Variants in CAPN15 observed in about 807,000 individuals in gnomAD.
CAPN15 encodes calpain 15.
In CAPN15, 53 loss-of-function variants were observed where a neutral mutation model predicts 97.9. That is an observed-to-expected ratio of 0.54 (90% confidence interval 0.43 to 0.68). The LOEUF (loss-of-function observed/expected upper bound fraction) is 0.68, where lower values mean the gene tolerates loss of function less well. Ranked by LOEUF, CAPN15 falls within the 30% of genes least tolerant of loss-of-function variation. The pLI is 0.00. For synonymous variants in CAPN15, 922 were observed against 722.5 expected (o/e 1.28, Z -4.43); for missense variants, 1,592 against 1,589.8 (o/e 1.00, Z -0.02).
chr16:553,439 T>C lies in CAPN15; in HGVS notation c.3184T>C (p.Trp1062Arg). ...GGCAGCCCAGGCCTTCCTCAGTGAC[T>C]GGACAGCCTCCAAGGGGACCCACAG... ...RKAAQAFLSD[W>R]TASKGTHSPP... Residue 1062 changes from tryptophan to arginine, a missense_variant, in exon 14 of 14, where the codon TGG (tryptophan) becomes CGG (arginine). Trp to Arg is a moderately radical substitution (Grantham distance 101). Around this residue, in one of 3 missense-constraint regions of CAPN15, gnomAD observed 644 missense variants for 699.6 expected, o/e 0.92. Transcript: ENST00000219611. 2 of 1,611,282 alleles carry C rather than the reference T, an allele frequency of 1.2e-6. No individual in the cohort carries two copies. The highest frequency in any genetic ancestry group is 1.3e-5 in the African/African-American group (1 of 74,706).
Position 551,410 on chromosome 16 carries a change from A to G in CAPN15, c.2175A>G (p.Arg725=), listed in dbSNP as rs2035069255. The change falls in exon 8 of 14, where the codon CGA becomes CGG. Residue 725 remains arginine (R), a synonymous_variant. Coordinates refer to ENST00000219611, the MANE Select transcript of CAPN15 (RefSeq NM_005632.3). ...ATGCCTACTCCATCCTGGATGTCCG[A>G]GATGTCCAGGGCACCAGGTAGGGCC... ...PRHAYSILDV[R]DVQGTRLLRL... 7.5e-6 allele frequency: 12 copies of G among 1,609,046 alleles called. No individual in the cohort carries two copies. The highest frequency in any genetic ancestry group is 9.3e-6 in the Non-Finnish European group (11 of 1,177,472).
At position 552,830 on chromosome 16, in the gene CAPN15, C is replaced by T. The variant is rs199546496; in HGVS notation, c.2905-33C>T. On this transcript the variant is annotated intron_variant, in intron 12 of 13. Transcript: ENST00000219611. The surrounding 1 kb of genome is among the most constrained non-coding windows in gnomAD (Gnocchi z 6.4). ...GCAGGGGGAGTATGCCCCAGCACCT[C>T]CCCTGCCCCACAACTGCCATTCCTG... 4.0e-4 allele frequency: 621 copies of T among 1,571,888 alleles called. 7 individuals carry two copies. In the African/African-American group the frequency reaches 5.6e-3, roughly 14 times the overall value.
rs866331883 is a variant in CAPN15 at position 549,639 on chromosome 16, G to T, written c.1867G>T (p.Ala623Ser). ...SQAQRKQLWV[A>S]LIEKALAKLH... is the part of the protein sequence containing the mutation. ...GGCGCAGCGGAAGCAGCTGTGGGTG[G>T]CCCTCATCGAGAAGGCGCTGGCCAA... is the stretch of plus-strand genomic sequence containing the variant. Residue 623 changes from alanine to serine, a missense_variant, in exon 7 of 14, where the codon GCC (alanine) becomes TCC (serine). Ala to Ser is a moderately conservative substitution (Grantham distance 99, BLOSUM62 1). Around this residue, in one of 3 missense-constraint regions of CAPN15, gnomAD observed 644 missense variants for 699.6 expected, o/e 0.92. Coordinates refer to ENST00000219611, the MANE Select transcript of CAPN15 (RefSeq NM_005632.3). 2 of 1,552,774 alleles carry T rather than the reference G, an allele frequency of 1.3e-6. No individual in the cohort carries two copies. Among genetic ancestry groups the T allele is most frequent in the Non-Finnish European group, 1.7e-6 (2 of 1,154,582 alleles).
intron 1 of CAPN15, among the ~76,000 whole-genome samples, chr16:533,636 G>A (rs967592018): frequency 6.6e-6 from 1 of 152,162 alleles, no homozygotes; most frequent in African/African-American, 2.4e-5. Flanking sequence ...GGGAGGTCCG[G>A]ACAGGATCTT....
rs776904411 is a variant in CAPN15 at position 546,936 on chromosome 16, C to T, written c.98C>T (p.Pro33Leu). The part of the protein sequence containing the change: ...CSICEAPRHK[P>L]DLNHILRLSV... ...ATCTGCGAGGCTCCCCGGCACAAGC[C>T]CGACCTCAACCACATCCTGCGGCTC... is the stretch of plus-strand genomic sequence containing the variant. The change falls in exon 4 of 14, where the codon CCC (proline) becomes CTC (leucine). Residue 33 changes from proline to leucine, a missense_variant. By Grantham distance (98) the Pro-to-Leu change is moderately conservative. Coordinates refer to ENST00000219611, the MANE Select transcript of CAPN15 (RefSeq NM_005632.3). 4.3e-5 allele frequency: 70 copies of T among 1,610,702 alleles called. No individual in the cohort carries two copies. In the South Asian group the frequency reaches 6.3e-4, roughly 14 times the overall value.
At chr16:550,046 C>T (rs1481780438) in intron 7 of CAPN15, among the ~76,000 whole-genome samples, 2 of 152,198 alleles carry the variant, frequency 1.3e-5, no homozygotes, top group Non-Finnish European at 2.9e-5. Context: ...CCAGGAAGGC[C>T]ACATCCTGGC....
rs2035044727 is a variant in CAPN15, at chr16:551,190, CGGTCGGTGAGGGT to C, written c.2067-111_2067-99del. ...TGAGGGTCCCGGTCGGTGAGGGCCC[CGGTCGGTGAGGGT>C]CCCCAGTCGGTGAGGGTCCCGGTCA... On this transcript the variant is annotated intron_variant, in intron 7 of 13. Coordinates refer to ENST00000219611, the MANE Select transcript of CAPN15 (RefSeq NM_005632.3). 2.0e-6 allele frequency: 3 copies of C among 1,468,380 alleles called. No homozygotes were observed. The African/African-American group carries it at 4.7e-5, about 23-fold the overall frequency. The allele number at this position is 1,468,380 out of a possible 1,614,324, so 91.0% of individuals were successfully genotyped here.
Position 549,204 on chromosome 16 carries a change from G to A in CAPN15, c.1658+3G>A, listed in dbSNP as rs774531898. On this transcript the variant is annotated splice_donor_region_variant and intron_variant, in intron 5 of 13. Transcript: ENST00000219611. ...CAGGGGCTGCTGGGGAACTGCTGGT[G>A]AGGCCTTCTCCAAGGCCGGGGTGGG... 2.7e-6 allele frequency: 4 copies of A among 1,467,454 alleles called. No homozygotes were observed. In the East Asian group the frequency reaches 7.2e-5, roughly 26 times the overall value. 90.9% of individuals were successfully genotyped at this position (1,467,454 alleles called of 1,614,324 possible).
Position 549,849 on chromosome 16 carries a change from G to A in CAPN15, c.2066+11G>A. On this transcript the variant is annotated intron_variant, in intron 7 of 13. Transcript: ENST00000219611. Reference sequence around the variant, plus strand: ...TTCTAAGGAGGCTGGGTAAGAGGAGGGGCACTGCGTGGTCAGCCGCGTTGG... The same window carrying A: ...TTCTAAGGAGGCTGGGTAAGAGGAGAGGCACTGCGTGGTCAGCCGCGTTGG... 4 of 1,560,014 alleles carry A rather than the reference G, an allele frequency of 2.6e-6. No homozygotes were observed. The highest frequency in any genetic ancestry group is 2.4e-5 in the East Asian group (1 of 42,010).
At position 552,358 on chromosome 16, in the gene CAPN15, C is replaced by T; in HGVS notation, c.2565C>T (p.Ala855=). ...LLDLCILVFR[A]TFGSGGHLSL... Reference sequence around the variant, plus strand: ...ACCTGTGCATCCTGGTGTTCCGGGCCACGTTCGGCAGCGGCGGCCACCTCA... The same window carrying T: ...ACCTGTGCATCCTGGTGTTCCGGGCTACGTTCGGCAGCGGCGGCCACCTCA... Residue 855 remains alanine (A), a synonymous_variant, in exon 11 of 14, where the codon GCC becomes GCT. Transcript: ENST00000219611. This position sits in a 1 kb window ranked among gnomAD's most constrained non-coding sequence, Gnocchi z 6.4. 1 of 1,598,600 alleles carries T rather than the reference C, an allele frequency of 6.3e-7. No individual in the cohort carries two copies. The highest frequency in any genetic ancestry group is 1.1e-5 in the South Asian group (1 of 89,800).
intron 1 of CAPN15, among the ~76,000 whole-genome samples, chr16:532,866 A>C (rs564881972): frequency 1.3e-5 from 2 of 151,276 alleles, no homozygotes; most frequent in South Asian, 2.1e-4. Flanking sequence ...AAAAAAAAAA[A>C]AAAACAGGTG....
chr16:541,272 TG>T, intron 3 of CAPN15, among the ~76,000 whole-genome samples: 1 of 152,154 alleles, frequency 6.6e-6, no homozygotes, highest in East Asian at 1.9e-4. Context: ...CGACAAGGAC[TG>T]GGGATGCAGG....
intron 1 of CAPN15, among the ~76,000 whole-genome samples, chr16:530,202 C>G (rs914502306): frequency 2.6e-5 from 4 of 152,238 alleles, no homozygotes; most frequent in Non-Finnish European, 5.9e-5. Flanking sequence ...CCTGGCTCCC[C>G]ACTGTGGGAT....
Position 549,691 on chromosome 16 carries a change from A to C in CAPN15, c.1919A>C (p.Gln640Pro). 1 of 1,563,104 alleles carries C rather than the reference A, an allele frequency of 6.4e-7. No individual in the cohort carries two copies. The highest frequency in any genetic ancestry group is 8.6e-7 in the Non-Finnish European group (1 of 1,156,824). ...AKLHGSYFAL[Q>P]AGRAIEGLAT... ...CTGCACGGCTCCTACTTTGCGCTCC[A>C]GGCGGGCCGCGCCATCGAAGGCCTG... The change falls in exon 7 of 14, where the codon CAG becomes CCG. Residue 640 changes from glutamine to proline, a missense_variant. Gln to Pro is a moderately conservative substitution (Grantham distance 76). Coordinates refer to ENST00000219611, the MANE Select transcript of CAPN15 (RefSeq NM_005632.3).
Position 552,363 on chromosome 16 carries a change from T to TCGGCAGCGGCGGCCACCTC in CAPN15, c.2571_2589dup (p.Ser864ArgfsTer16). 3 of 1,599,704 alleles carry TCGGCAGCGGCGGCCACCTC rather than the reference T, an allele frequency of 1.9e-6. No individual in the cohort carries two copies. Among genetic ancestry groups the TCGGCAGCGGCGGCCACCTC allele is most frequent in the Non-Finnish European group, 2.5e-6 (3 of 1,176,952 alleles). On this transcript the variant is annotated frameshift_variant, in exon 11 of 14. Coordinates refer to ENST00000219611, the MANE Select transcript of CAPN15 (RefSeq NM_005632.3). LOFTEE classifies it high-confidence loss of function. This position sits in a 1 kb window ranked among gnomAD's most constrained non-coding sequence, Gnocchi z 6.4. ...TGCATCCTGGTGTTCCGGGCCACGTTCGGCAGCGGCGGCCACCTCAGCCTG... is the reference window on the plus strand; with the variant it reads ...TGCATCCTGGTGTTCCGGGCCACGTTCGGCAGCGGCGGCCACCTCCGGCAGCGGCGGCCACCTCAGCCTG...
In CAPN15 at chr16:549,893, G is replaced by A. The variant is rs8061159; in HGVS notation, c.2066+55G>A. On this transcript the variant is annotated intron_variant, in intron 7 of 13. Coordinates refer to ENST00000219611, the MANE Select transcript of CAPN15 (RefSeq NM_005632.3). Reference sequence around the variant, plus strand: ...GCGTTGGGAGGAGAGGCGAGGCGGAGCGGTGGGAGATGTGGGGCTGGTGGC... The same window carrying A: ...GCGTTGGGAGGAGAGGCGAGGCGGAACGGTGGGAGATGTGGGGCTGGTGGC... 7.9e-3 allele frequency: 11,116 copies of A among 1,404,292 alleles called. 743 individuals carry two copies. In the African/African-American group the frequency reaches 0.14, roughly 18 times the overall value. 87.0% of individuals were successfully genotyped at this position (1,404,292 alleles called of 1,614,324 possible). A position where few individuals can be genotyped will look rare whatever the true frequency, so the allele number is the denominator to read the frequency against.
chr16:529,919 G>C (rs973756080), intron 1 of CAPN15, among the ~76,000 whole-genome samples: 1 of 152,156 alleles, frequency 6.6e-6, no homozygotes, highest in African/African-American at 2.4e-5. Context: ...CCCCCAACCC[G>C]GGGGCTGCCT....
At chr16:548,849 C>T (rs1480141046) in intron 4 of CAPN15, 144 bp from the exon 5 acceptor site, 3 of 769,906 alleles carry the variant, frequency 3.9e-6, no homozygotes, top group Middle Eastern at 3.7e-4. Context: ...AGGGCCGGCG[C>T]CAGGTCTGTG....
In CAPN15 at chr16:553,802, G is replaced by A. The variant is rs895328054; in HGVS notation, c.*286G>A. On this transcript the variant is annotated 3_prime_UTR_variant, in exon 14 of 14. Transcript: ENST00000219611. ...CTGCCAGCCCCAACACCCGACGGGG[G>A]CCGAGGCCAGGCTGCCCCTCCCTGT... The A allele has an allele frequency of 5.1e-5, 17 of 334,224 alleles. No individual in the cohort carries two copies. The highest frequency in any genetic ancestry group is 9.3e-5 in the Non-Finnish European group (17 of 182,612). The allele number at this position is 334,224 out of a possible 1,614,324, so 20.7% of individuals were successfully genotyped here.
Sources: allele counts gnomAD v4.1 joint callset (sites outside exome capture counted in the v4.1 genomes callset), GRCh38; gene constraint gnomAD v4.1.1; regional missense constraint gnomAD v4.1.1; non-coding constraint Gnocchi (gnomAD v3.1); transcripts MANE v1.5; gene names NCBI Gene and HGNC (gene_info 2026-07-23, HGNC 2026-07-21).